PI4K2B: variants seen among roughly 807,000 people sequenced by gnomAD.
PI4K2B encodes the protein phosphatidylinositol 4-kinase type 2-beta.
PI4K2B carries 46 observed loss-of-function variants against 56.6 expected under a neutral mutation model. The ratio of observed to expected loss-of-function variants is 0.81; its 90% CI spans 0.64 to 1.04. The LOEUF (loss-of-function observed/expected upper bound fraction) is 1.04. Among genes scored for constraint, PI4K2B ranks in the 50% least tolerant of loss-of-function variants. The probability of loss-of-function intolerance (pLI) is 0.00; values close to 1 mark genes in which losing one functional copy is unlikely to be tolerated. For missense variants in PI4K2B, 556 were observed against 607.7 expected (o/e 0.91, Z 0.89); for synonymous variants, 211 against 223.8 (o/e 0.94, Z 0.51).
At position 25,260,610 on chromosome 4, in the gene PI4K2B, TTATATATATATATATATATATA is replaced by T; in HGVS notation, c.978+30_978+51del. ...CCATAAGGTAAGGAAATTTACAATT[TTATATATATATATATATATATA>T]TATATATATACACACACACACACAC... is the stretch of plus-strand genomic sequence containing the variant. On this transcript the variant is annotated intron_variant, in intron 6 of 9. Coordinates refer to ENST00000264864, the MANE Select transcript of PI4K2B (RefSeq NM_018323.4). 3.3e-6 allele frequency: 1 copy of T among 305,044 alleles called. No homozygotes were observed. The highest frequency in any genetic ancestry group is 7.7e-5 in the East Asian group (1 of 12,984). The allele number at this position is 305,044 out of a possible 1,614,324, so 18.9% of individuals were successfully genotyped here.
At chr4:25,265,701 C>T (rs1348168778) in intron 7 of PI4K2B, among the ~76,000 whole-genome samples, 2 of 152,106 alleles carry the variant, frequency 1.3e-5, no homozygotes, top group Non-Finnish European at 2.9e-5. Context: ...TTGTTATTTT[C>T]CAGCATTATT....
At position 25,278,691 on chromosome 4, in the gene PI4K2B, C is replaced by G. The variant is rs953616089; in HGVS notation, c.*1504C>G. 2 of 152,570 alleles carry G rather than the reference C, an allele frequency of 1.3e-5. No homozygotes were observed. The highest frequency in any genetic ancestry group is 4.8e-5 in the African/African-American group (2 of 41,434). 9.5% of individuals were successfully genotyped at this position (152,570 alleles called of 1,614,324 possible). A position where few individuals can be genotyped will look rare whatever the true frequency, so the allele number is the denominator to read the frequency against. ...GGAAATTCAAAACTCAAACTACTAT[C>G]TTTAGATATAAACACTAGTAATTAA... On this transcript the variant is annotated 3_prime_UTR_variant, in exon 10 of 10. Coordinates refer to ENST00000264864, the MANE Select transcript of PI4K2B (RefSeq NM_018323.4).
intron 8 of PI4K2B, 77 bp downstream of exon 8, chr4:25,268,653 G>A: frequency 2.0e-6 from 2 of 1,013,444 alleles, no homozygotes; most frequent in African/African-American, 1.6e-5. Context: ...GAGCTGATTT[G>A]CAATTTTCTA....
chr4:25,258,851 T>G (rs1716352673), intron 4 of PI4K2B, among the ~76,000 whole-genome samples, 186 bp from the exon 5 acceptor site: 1 of 152,206 alleles, frequency 6.6e-6, no homozygotes, highest in African/African-American at 2.4e-5. Context: ...TATGTATTCT[T>G]TATGTGATTA....
intron 1 of PI4K2B, among the ~76,000 whole-genome samples, chr4:25,239,045 G>A (rs141783898): frequency 0.017 from 2,634 of 152,282 alleles, 30 homozygotes; most frequent in Non-Finnish European, 0.027. Context: ...AGATTAGCTA[G>A]ATACAGAGCA....
intron 9 of PI4K2B, among the ~76,000 whole-genome samples, chr4:25,270,506 C>A (rs1449722439): frequency 6.6e-6 from 1 of 152,100 alleles, no homozygotes; most frequent in Non-Finnish European, 1.5e-5. Flanking sequence ...TCACCACACC[C>A]AGCTAATTTT....
At chr4:25,273,973 C>T (rs541595546) in intron 9 of PI4K2B, among the ~76,000 whole-genome samples, 1 of 152,220 alleles carries the variant, frequency 6.6e-6, no homozygotes, top group East Asian at 1.9e-4. Context: ...CGATTCTTTC[C>T]CCTCGATGCC....
chr4:25,272,455 A>T (rs966235886), intron 9 of PI4K2B, among the ~76,000 whole-genome samples: 1 of 152,200 alleles, frequency 6.6e-6, no homozygotes, highest in Non-Finnish European at 1.5e-5. Context: ...TGTCCTGACC[A>T]TGTACATGAC....
chr4:25,239,279 C>T (rs1715413785), intron 1 of PI4K2B, among the ~76,000 whole-genome samples: 1 of 152,304 alleles, frequency 6.6e-6, no homozygotes, highest in African/African-American at 2.4e-5. Context: ...GGACGGGGCA[C>T]CATGGAGCAG....
intron 2 of PI4K2B, chr4:25,254,437 A>G (rs575832130): frequency 1.1e-4 from 53 of 486,298 alleles, no homozygotes; most frequent in South Asian, 7.1e-4. Flanking sequence ...TTTTTGAGAC[A>G]GAGTCTCGCT....
chr4:25,276,667 G>A, intron 9 of PI4K2B: 1 of 984,956 alleles, frequency 1.0e-6, no homozygotes, highest in Non-Finnish European at 1.2e-6. Flanking sequence ...TATTTGTTGA[G>A]TTTTTATGTT....
At chr4:25,260,836 G>A (rs1400528005) in intron 6 of PI4K2B, among the ~76,000 whole-genome samples, 1 of 127,294 alleles carries the variant, frequency 7.9e-6, no homozygotes, top group Non-Finnish European at 1.7e-5. Context: ...TTTTATTTTT[G>A]TCACTTGTTT....
chr4:25,261,729 T>TTATA (rs1716484897), intron 6 of PI4K2B, among the ~76,000 whole-genome samples: 1 of 6,236 alleles, frequency 1.6e-4, no homozygotes. Flanking sequence ...AGGGAACATA[T>TTATA]TGTATATTTA....
intron 6 of PI4K2B, among the ~76,000 whole-genome samples, chr4:25,261,327 C>T (rs562919320): frequency 9.2e-5 from 14 of 152,192 alleles, no homozygotes; most frequent in Admixed American, 3.3e-4. Context: ...TTATAAGAAG[C>T]TGGTTTTAAC....
At chr4:25,272,738 C>T (rs1239250068) in intron 9 of PI4K2B, among the ~76,000 whole-genome samples, 1 of 152,166 alleles carries the variant, frequency 6.6e-6, no homozygotes, top group African/African-American at 2.4e-5. Flanking sequence ...TGTTGGCTCA[C>T]ACCTGTAATC....
rs1228396956 is a variant in PI4K2B, at chr4:25,258,956, T to A, written c.757-81T>A. 4.7e-6 allele frequency: 3 copies of A among 641,958 alleles called. No homozygotes were observed. In the Admixed American group the frequency reaches 9.8e-5, roughly 21 times the overall value. The allele number at this position is 641,958 out of a possible 1,614,324, so 39.8% of individuals were successfully genotyped here. ...TATTGTGTTTACATGACATATTTTTTGACAGTACTGCTGAGAAATATAAAT... is the reference window on the plus strand; with the variant it reads ...TATTGTGTTTACATGACATATTTTTAGACAGTACTGCTGAGAAATATAAAT... On this transcript the variant is annotated intron_variant, in intron 4 of 9. Coordinates refer to ENST00000264864, the MANE Select transcript of PI4K2B (RefSeq NM_018323.4).
chr4:25,261,249 G>A (rs941962406), intron 6 of PI4K2B, among the ~76,000 whole-genome samples: 1 of 151,890 alleles, frequency 6.6e-6, no homozygotes, highest in Non-Finnish European at 1.5e-5. Context: ...CTAATAAATG[G>A]AACATGTGTG....
intron 1 of PI4K2B, among the ~76,000 whole-genome samples, chr4:25,248,595 A>G (rs1041108803): frequency 1.3e-5 from 1 of 76,284 alleles, no homozygotes; most frequent in African/African-American, 3.5e-5. Flanking sequence ...GACATGATGT[A>G]TGGTTTTTTT....
At chr4:25,246,437 A>G (rs1715786145) in intron 1 of PI4K2B, among the ~76,000 whole-genome samples, 1 of 152,208 alleles carries the variant, frequency 6.6e-6, no homozygotes, top group Non-Finnish European at 1.5e-5. Context: ...GATACAGAGC[A>G]CTGATTGGTG....
Sources: allele counts gnomAD v4.1 joint callset (sites outside exome capture counted in the v4.1 genomes callset), GRCh38; gene constraint gnomAD v4.1.1; transcripts MANE v1.5; gene names NCBI Gene and HGNC (gene_info 2026-07-23, HGNC 2026-07-21).